Variants in MAP7D1 observed in about 807,000 individuals in gnomAD.
MAP7D1 encodes the protein MAP7 domain-containing protein 1.
Under a neutral mutation model 97.5 loss-of-function variants are expected in MAP7D1, and 30 were observed. That is an observed-to-expected ratio of 0.31 (90% confidence interval 0.23 to 0.42). MAP7D1 has a LOEUF of 0.42. Ranked by LOEUF, MAP7D1 falls within the 10% of genes least tolerant of loss-of-function variation. The probability of loss-of-function intolerance (pLI) is 1.00; values close to 1 mark genes in which losing one functional copy is unlikely to be tolerated. For missense variants in MAP7D1, 1,184 were observed against 1,179.5 expected (o/e 1.00, Z -0.06); for synonymous variants, 536 against 477.1 (o/e 1.12, Z -1.61).
chr1:36,172,699 A>G, intron 4 of MAP7D1, 72 bp downstream of exon 4: 1 of 1,376,934 alleles, frequency 7.3e-7, no homozygotes, highest in Non-Finnish European at 9.6e-7. Flanking sequence ...GTGTGTACAC[A>G]CATCCATGTT....
At chr1:36,175,815 G>A (rs566273426) in intron 6 of MAP7D1, among the ~76,000 whole-genome samples, 1 of 152,362 alleles carries the variant, frequency 6.6e-6, no homozygotes, top group Admixed American at 6.5e-5. Flanking sequence ...CCATGGGACA[G>A]CCTCGGCTGG....
chr1:36,177,977 C>G lies in MAP7D1; in HGVS notation c.1484C>G (p.Pro495Arg). 1 of 1,607,410 alleles carries G rather than the reference C, an allele frequency of 6.2e-7. No homozygotes were observed. Among genetic ancestry groups the G allele is most frequent in the Non-Finnish European group, 8.5e-7 (1 of 1,175,462 alleles). The change falls in exon 9 of 17, where the codon CCG (proline) becomes CGG (arginine). Residue 495 changes from proline (P) to arginine (R), a missense_variant. Physicochemically the swap from Pro to Arg is moderately radical, Grantham distance 103. Transcript: ENST00000474796. Reference sequence around the variant, plus strand: ...GGCCACACTCTGCCTCCAAAGCCACCGTCCCCCCGAGGCACCACTGCATCC... The same window carrying G: ...GGCCACACTCTGCCTCCAAAGCCACGGTCCCCCCGAGGCACCACTGCATCC... ...GPGHTLPPKP[P>R]SPRGTTASPK...
chr1:36,161,862 C>T (rs542062264), intron 1 of MAP7D1, among the ~76,000 whole-genome samples: 1 of 133,758 alleles, frequency 7.5e-6, no homozygotes, highest in African/African-American at 3.0e-5. Context: ...GTTTCCTCTG[C>T]ATGTGTGTGT....
intron 6 of MAP7D1, 144 bp downstream of exon 6, chr1:36,175,152 G>T (rs1644600879): frequency 1.6e-6 from 1 of 641,306 alleles, no homozygotes. Flanking sequence ...CCAGGGCTCT[G>T]TGCCCCTCGG....
rs374307055 is a variant in MAP7D1 at position 36,178,918 on chromosome 1, C to T, written c.2026-3C>T. On this transcript the variant is annotated splice_polypyrimidine_tract_variant and splice_region_variant and intron_variant, in intron 11 of 16. Coordinates refer to ENST00000474796, the MANE Select transcript of MAP7D1 (RefSeq NM_001388490.1). ...GCCCCACGCTCATGGGGGTCTTTGG[C>T]AGAAAGAGGAGGCCGAAGCTCGGTC... 829 of 1,553,544 alleles carry T rather than the reference C, an allele frequency of 5.3e-4. 11 individuals are homozygous for T. The South Asian group carries it at 9.1e-3, about 17-fold the overall frequency.
chr1:36,180,154 C>A (rs2124256870), intron 16 of MAP7D1, 87 bp downstream of exon 16: 1 of 1,609,464 alleles, frequency 6.2e-7, no homozygotes, highest in South Asian at 1.1e-5. Context: ...TCTGGCTCTG[C>A]CAGGCACCCT....
intron 1 of MAP7D1, among the ~76,000 whole-genome samples, chr1:36,164,471 G>A (rs1644450157): frequency 6.6e-6 from 1 of 152,222 alleles, no homozygotes; most frequent in Non-Finnish European, 1.5e-5. Context: ...CTTCCATGAG[G>A]AAGTGATGAC....
At chr1:36,179,126 G>C in intron 12 of MAP7D1, 101 bp downstream of exon 12, 1 of 1,483,350 alleles carries the variant, frequency 6.7e-7, no homozygotes, top group Non-Finnish European at 9.2e-7. Context: ...AAGCGCTGGG[G>C]CAAATTCCAG....
rs1644390555 is a variant in MAP7D1 at position 36,160,354 on chromosome 1, A to G, written c.46+3891A>G. On this transcript the variant is annotated intron_variant, in intron 1 of 16. Transcript: ENST00000474796. The stretch of plus-strand genomic sequence containing the variant: ...GGAACATGGTACTGCTGCCCTTACT[A>G]GCGCTCCTCAGCAGTTGTAAGAGAT... Among the ~76,000 whole-genome samples the G allele has an allele frequency of 2.6e-5, 4 of 152,314 alleles. No individual in the cohort carries two copies. In the South Asian group the frequency reaches 8.3e-4, roughly 32 times the overall value.
intron 1 of MAP7D1, among the ~76,000 whole-genome samples, chr1:36,169,262 A>G (rs1470916262): frequency 6.7e-6 from 1 of 149,940 alleles, no homozygotes; most frequent in East Asian, 2.0e-4. Flanking sequence ...GAAAAAAAAA[A>G]AAAAAGGCCG....
intron 1 of MAP7D1, among the ~76,000 whole-genome samples, chr1:36,158,544 A>C (rs1182123581): frequency 2.0e-5 from 3 of 152,180 alleles, no homozygotes; most frequent in Non-Finnish European, 4.4e-5. Context: ...TTAGCCATGT[A>C]CTGGCTACTG....
chr1:36,172,764 T>C (rs1343895561), intron 4 of MAP7D1, 137 bp downstream of exon 4: 3 of 1,016,612 alleles, frequency 3.0e-6, no homozygotes, highest in South Asian at 3.0e-5. Flanking sequence ...ACATCTACAG[T>C]TGTGTCCCTG....
At position 36,156,312 on chromosome 1, in the gene MAP7D1, G is replaced by C; in HGVS notation, c.-106G>C. Reference sequence around the variant, plus strand: ...CCCCGCCTCCGAGTCGCTACTTGCCGGGCCGGGCCGGGCCGGGCGTGATGC... The same window carrying C: ...CCCCGCCTCCGAGTCGCTACTTGCCCGGCCGGGCCGGGCCGGGCGTGATGC... On this transcript the variant is annotated 5_prime_UTR_variant, in exon 1 of 17. Coordinates refer to ENST00000474796, the MANE Select transcript of MAP7D1 (RefSeq NM_001388490.1). 1 of 945,696 alleles carries C rather than the reference G, an allele frequency of 1.1e-6. No individual in the cohort carries two copies. Among genetic ancestry groups the C allele is most frequent in the African/African-American group, 1.8e-5 (1 of 56,470 alleles). The allele number at this position is 945,696 out of a possible 1,614,324, so 58.6% of individuals were successfully genotyped here. A position where few individuals can be genotyped will look rare whatever the true frequency, so the allele number is the denominator to read the frequency against.
rs965322510 is a variant in MAP7D1, at chr1:36,179,441, G to T, written c.2185-74G>T. 9 of 1,572,840 alleles carry T rather than the reference G, an allele frequency of 5.7e-6. No homozygotes were observed. In the African/African-American group the frequency reaches 1.1e-4, roughly 19 times the overall value. ...GAGGCCGCTGCGGCCCGGGCAAGGG[G>T]AGGGCCGAACTCAGTCCGAAGTGGC... On this transcript the variant is annotated intron_variant, in intron 13 of 16. Coordinates refer to ENST00000474796, the MANE Select transcript of MAP7D1 (RefSeq NM_001388490.1).
chr1:36,161,044 G>A (rs985944376), intron 1 of MAP7D1, among the ~76,000 whole-genome samples: 4 of 152,212 alleles, frequency 2.6e-5, no homozygotes, highest in African/African-American at 7.2e-5. Flanking sequence ...ATTTCCTGCC[G>A]CCTAAAATAA....
rs765569966 is a variant in MAP7D1 at position 36,178,214 on chromosome 1, A to C, written c.1708+13A>C. On this transcript the variant is annotated intron_variant, in intron 9 of 16. Coordinates refer to ENST00000474796, the MANE Select transcript of MAP7D1 (RefSeq NM_001388490.1). Reference sequence around the variant, plus strand: ...GAGACCCCTACAGGTAGGAATGAAGAGAGGGGAGGGGTGGGCCGAGCGAGA... The same window carrying C: ...GAGACCCCTACAGGTAGGAATGAAGCGAGGGGAGGGGTGGGCCGAGCGAGA... 1 of 1,543,216 alleles carries C rather than the reference A, an allele frequency of 6.5e-7. No individual in the cohort carries two copies. The highest frequency in any genetic ancestry group is 1.4e-5 in the African/African-American group (1 of 73,334).
At chr1:36,175,850 G>T (rs1557779991) in intron 6 of MAP7D1, among the ~76,000 whole-genome samples, 1 of 152,234 alleles carries the variant, frequency 6.6e-6, no homozygotes, top group Non-Finnish European at 1.5e-5. Flanking sequence ...AGCAGGAGGG[G>T]CAAGACCTTA....
rs144937668 is a variant in MAP7D1, at chr1:36,165,290, T to C, written c.47-5681T>C. On this transcript the variant is annotated intron_variant, in intron 1 of 16. Coordinates refer to ENST00000474796, the MANE Select transcript of MAP7D1 (RefSeq NM_001388490.1). ...AGGTGTGCACCACCATGCCCAGCTG[T>C]TTTTTATTTTTTAGTTGAGATAGGG... Among the ~76,000 whole-genome samples, 564 of 152,040 alleles carry C rather than the reference T, an allele frequency of 3.7e-3. 1 individual carries two copies. The highest frequency in any genetic ancestry group is 6.4e-3 in the Non-Finnish European group (435 of 67,962).
At chr1:36,172,168 A>T (rs1644554263) in intron 3 of MAP7D1, 1 of 253,488 alleles carries the variant, frequency 3.9e-6, no homozygotes, top group Non-Finnish European at 7.5e-6. Flanking sequence ...GTATGTGGAC[A>T]TCTGTCTGGT....
Sources: gnomAD v4.1 joint callset for allele counts (sites outside exome capture counted in the v4.1 genomes callset) on GRCh38, gnomAD v4.1.1 for gene constraint, MANE v1.5 for transcripts, NCBI Gene and HGNC (gene_info 2026-07-23, HGNC 2026-07-21) for gene names.